Variants in NELL2 observed in about 807,000 individuals in gnomAD.
NELL2 encodes the protein neural EGFL like 2.
A neutral mutation model predicts 109.6 loss-of-function variants in NELL2; 41 were observed. The observed-to-expected ratio is 0.37, with a 90% CI of 0.29 to 0.49. The LOEUF (loss-of-function observed/expected upper bound fraction) is 0.49, where lower values mean the gene tolerates loss of function less well. NELL2 is among the 20% of genes least tolerant of loss of function. The probability of loss-of-function intolerance (pLI) is 0.98; values close to 1 mark genes in which losing one functional copy is unlikely to be tolerated. For synonymous variants in NELL2, 355 were observed against 344.7 expected (o/e 1.03, Z -0.33); for missense variants, 900 against 1,008.3 (o/e 0.89, Z 1.45).
upstream of NELL2, among the ~76,000 whole-genome samples, chr12:44,918,162 G>T (rs75915439): frequency 0.074 from 11,317 of 152,172 alleles, 543 homozygotes; most frequent in Admixed American, 0.12. Context: ...AGCATCAGTG[G>T]ATATTAAATC....
intron 15 of NELL2, among the ~76,000 whole-genome samples, chr12:44,591,490 CATTAT>C (rs940037250): frequency 2.3e-5 from 2 of 88,286 alleles, no homozygotes; most frequent in African/African-American, 9.4e-5. Flanking sequence ...TGGATGAGAA[CATTAT>C]ATTAAGTGAA....
rs115855388 is a variant in NELL2, at chr12:44,608,817, G to A, written c.1568-1553C>T. On this transcript the variant is annotated intron_variant, in intron 14 of 19. Coordinates refer to ENST00000429094, the MANE Select transcript of NELL2 (RefSeq NM_001145108.2). ...AGGACTTAGTTATATTGTAGTCTCC[G>A]CTCATGCATTGGAAATGCATTTCAA... Among the ~76,000 whole-genome samples, 452 of 151,470 alleles carry A rather than the reference G, an allele frequency of 3.0e-3. 2 individuals are homozygous for A. The highest frequency in any genetic ancestry group is 0.01 in the African/African-American group (420 of 41,318).
At chr12:44,788,601 G>A (rs890010387) in intron 3 of NELL2, among the ~76,000 whole-genome samples, 4 of 152,170 alleles carry the variant, frequency 2.6e-5, no homozygotes, top group African/African-American at 9.7e-5. Context: ...AGATGTCAAA[G>A]GCAGAAGGAA....
At chr12:44,574,744 T>C (rs1225218622) in intron 15 of NELL2, among the ~76,000 whole-genome samples, 1 of 152,196 alleles carries the variant, frequency 6.6e-6, no homozygotes, top group Non-Finnish European at 1.5e-5. Context: ...ATTTGGCACA[T>C]ATGTTATTTC....
At chr12:44,644,768 G>A (rs986674593) in intron 13 of NELL2, among the ~76,000 whole-genome samples, 2 of 151,094 alleles carry the variant, frequency 1.3e-5, no homozygotes, top group African/African-American at 4.9e-5. Flanking sequence ...GGTCCCAAAT[G>A]TCTGCTGCTA....
At chr12:44,681,389 T>C (rs1054972168) in intron 12 of NELL2, among the ~76,000 whole-genome samples, 22 of 149,680 alleles carry the variant, frequency 1.5e-4, no homozygotes, top group Non-Finnish European at 2.5e-4. Context: ...CCCTTTTTTA[T>C]TTATTTTTAT....
At chr12:44,760,636 T>C (rs1483192894) in intron 9 of NELL2, among the ~76,000 whole-genome samples, 2 of 93,444 alleles carry the variant, frequency 2.1e-5, no homozygotes, top group Non-Finnish European at 4.9e-5. Flanking sequence ...AGGTGTAATG[T>C]TCATAAGTGA....
intron 17 of NELL2, 30 bp from the exon 18 acceptor site, chr12:44,522,206 A>G: frequency 6.2e-7 from 1 of 1,602,416 alleles, no homozygotes; most frequent in East Asian, 2.2e-5. Context: ...AGCAGTTACC[A>G]AAAACCTCCA....
At chr12:44,590,445 A>G (rs1338300410) in intron 15 of NELL2, among the ~76,000 whole-genome samples, 1 of 152,166 alleles carries the variant, frequency 6.6e-6, no homozygotes, top group African/African-American at 2.4e-5. Flanking sequence ...CATACAGGTT[A>G]TATCCTGCTG....
At chr12:44,772,401 AT>A (rs1941586131) in intron 9 of NELL2, among the ~76,000 whole-genome samples, 1 of 152,204 alleles carries the variant, frequency 6.6e-6, no homozygotes, top group South Asian at 2.1e-4. Context: ...TTACTATTAC[AT>A]TTATTTTAAG....
intron 10 of NELL2, among the ~76,000 whole-genome samples, chr12:44,713,341 G>A (rs896048009): frequency 1.3e-5 from 2 of 151,674 alleles, no homozygotes; most frequent in African/African-American, 4.8e-5. Context: ...ACTATTAGAA[G>A]CCAGCTGGCA....
chr12:44,778,153 C>A (rs898965980), intron 5 of NELL2, among the ~76,000 whole-genome samples: 1 of 152,064 alleles, frequency 6.6e-6, no homozygotes, highest in African/African-American at 2.4e-5. Context: ...TTGAAAAATG[C>A]AAACAAAATA....
Position 44,908,928 on chromosome 12 carries a change from T to C in NELL2, c.38+4871A>G, listed in dbSNP as rs59405276. ...GAAAGAAGAGTTAGCTGACATAATT[T>C]ATTTAGATTTACTTTAAAAGTGTTT... On this transcript the variant is annotated intron_variant, in intron 1 of 20. Transcript: ENST00000333837. 7.2e-3 allele frequency among the ~76,000 whole-genome samples: 1,094 copies of C among 152,132 alleles called. 14 individuals are homozygous for C. Among genetic ancestry groups the C allele is most frequent in the African/African-American group, 0.025 (1,041 of 41,540 alleles).
intron 13 of NELL2, among the ~76,000 whole-genome samples, chr12:44,661,196 C>A (rs906303083): frequency 1.4e-4 from 22 of 152,154 alleles, no homozygotes; most frequent in Middle Eastern, 3.2e-3. Flanking sequence ...GAGGGCACTG[C>A]ACATGCAGGC....
At chr12:44,701,213 T>G (rs1345620514) in intron 12 of NELL2, among the ~76,000 whole-genome samples, 1 of 152,092 alleles carries the variant, frequency 6.6e-6, no homozygotes, top group Non-Finnish European at 1.5e-5. Flanking sequence ...TCCTGAATAA[T>G]ATTGTTATTT....
At position 44,523,272 on chromosome 12, in the gene NELL2, G is replaced by C. The variant is rs778717407; in HGVS notation, c.1998+19C>G. The stretch of plus-strand genomic sequence containing the variant: ...TTACAACTGAATAAAATTAATTAAA[G>C]TTTTTCATTTATACCAACCTGACAT... On this transcript the variant is annotated intron_variant, in intron 17 of 19. Coordinates refer to ENST00000429094, the MANE Select transcript of NELL2 (RefSeq NM_001145108.2). The C allele has an allele frequency of 1.2e-6, 2 of 1,613,142 alleles. No individual in the cohort carries two copies. Among genetic ancestry groups the C allele is most frequent in the Admixed American group, 1.7e-5 (1 of 59,976 alleles).
At chr12:44,641,689 CTT>C (rs71093817) in intron 13 of NELL2, among the ~76,000 whole-genome samples, 74 of 80,630 alleles carry the variant, frequency 9.2e-4, no homozygotes, top group African/African-American at 3.7e-3. Context: ...CTAGTTTCTC[CTT>C]TTTTTTTTTT....
intron 3 of NELL2, among the ~76,000 whole-genome samples, chr12:44,804,523 T>C (rs1250648109): frequency 6.6e-6 from 1 of 151,850 alleles, no homozygotes; most frequent in South Asian, 2.1e-4. Context: ...TAATCGTAAC[T>C]AAAGGAAATA....
chr12:44,751,757 T>C (rs1940662356), intron 9 of NELL2, among the ~76,000 whole-genome samples: 1 of 152,128 alleles, frequency 6.6e-6, no homozygotes. Flanking sequence ...AAATAATGAG[T>C]TCATCAAAAC....
Sources: allele counts gnomAD v4.1 joint callset (sites outside exome capture counted in the v4.1 genomes callset), GRCh38; gene constraint gnomAD v4.1.1; transcripts MANE v1.5; gene names NCBI Gene and HGNC (gene_info 2026-07-23, HGNC 2026-07-21).